GSK3A: variants seen among roughly 807,000 people sequenced by gnomAD.
GSK3A encodes the protein glycogen synthase kinase-3 alpha.
A neutral mutation model predicts 56.6 loss-of-function variants in GSK3A; 14 were observed. That is an observed-to-expected ratio of 0.25 (90% confidence interval 0.16 to 0.39). The LOEUF (loss-of-function observed/expected upper bound fraction) is 0.39. Ranked by LOEUF, GSK3A falls within the 10% of genes least tolerant of loss-of-function variation. GSK3A has a pLI of 1.00. For synonymous variants in GSK3A, 301 were observed against 285.0 expected (o/e 1.06, Z -0.56); for missense variants, 450 against 656.0 (o/e 0.69, Z 3.43).
At chr19:42,241,341 G>A (rs1325362025) in intron 1 of GSK3A, 1 of 152,034 alleles carries the variant, frequency 6.6e-6, no homozygotes, top group Non-Finnish European at 1.5e-5. Flanking sequence ...TTCAGAGGGA[G>A]ATAACCCTAC....
chr19:42,237,477 C>T (rs931664432), intron 2 of GSK3A, among the ~76,000 whole-genome samples: 2 of 151,846 alleles, frequency 1.3e-5, no homozygotes. Context: ...CGTGAGGCAC[C>T]GCGCCCAGCC....
At chr19:42,231,520 G>A (rs1238465571) in intron 10 of GSK3A, among the ~76,000 whole-genome samples, 3 of 152,070 alleles carry the variant, frequency 2.0e-5, no homozygotes, top group African/African-American at 2.4e-5. Context: ...AGCGGTTCAC[G>A]CCTGTAATCC....
chr19:42,230,891 A>T, intron 10 of GSK3A, 24 bp from the exon 11 acceptor site: 1 of 1,527,018 alleles, frequency 6.5e-7, no homozygotes, highest in Non-Finnish European at 8.9e-7. Context: ...GGGAAGGAGC[A>T]GAGTTAGCCT....
At chr19:42,232,276 A>G (rs546894858) in intron 9 of GSK3A, 127 bp from the exon 10 acceptor site, 263 of 746,632 alleles carry the variant, frequency 3.5e-4, no homozygotes, top group Middle Eastern at 2.4e-3. Context: ...ACCTCTCTCA[A>G]TGAAAAACCA....
rs531256682 is a variant in GSK3A at position 42,238,271 on chromosome 19, T to C, written c.472-1330A>G. Among the ~76,000 whole-genome samples the C allele has an allele frequency of 4.1e-4, 62 of 151,438 alleles. No homozygotes were observed. In the East Asian group the frequency reaches 6.6e-3, roughly 16 times the overall value. Reference sequence around the variant, plus strand: ...CAGGTGGATGAGGTACAAGAATTGCTTGAACCCAGGAGGCAGAGGTTGCAG... The same window carrying C: ...CAGGTGGATGAGGTACAAGAATTGCCTGAACCCAGGAGGCAGAGGTTGCAG... On this transcript the variant is annotated intron_variant, in intron 2 of 10. Coordinates refer to ENST00000222330, the MANE Select transcript of GSK3A (RefSeq NM_019884.3).
intron 1 of GSK3A, chr19:42,241,598 G>A (rs1311250406): frequency 1.3e-5 from 2 of 152,208 alleles, no homozygotes; most frequent in Admixed American, 1.3e-4. Flanking sequence ...TGGCAGTACA[G>A]CTCAACAAGA....
chr19:42,242,208 G>A lies in GSK3A; in HGVS notation c.258C>T (p.Phe86=), dbSNP rs2036297074. Residue 86 remains phenylalanine (F), a synonymous_variant, in exon 1 of 11, where the codon TTC becomes TTT. Transcript: ENST00000222330. ...GGCCCAGCTTCACCCCGGGCGGCGGGAAGCTAGTGCCTGCGCCGGGGCCTC... is the reference window on the plus strand; with the variant it reads ...GGCCCAGCTTCACCCCGGGCGGCGGAAAGCTAGTGCCTGCGCCGGGGCCTC... ...GSGGPGAGTS[F]PPPGVKLGRD... is the part of the protein sequence containing the mutation. 4.9e-6 allele frequency: 7 copies of A among 1,440,444 alleles called. No homozygotes were observed. The highest frequency in any genetic ancestry group is 6.4e-6 in the Non-Finnish European group (7 of 1,101,278). The allele number at this position is 1,440,444 out of a possible 1,614,324, so 89.2% of individuals were successfully genotyped here.
chr19:42,238,382 TAAAAAAA>T (rs55840950), intron 2 of GSK3A, among the ~76,000 whole-genome samples: 1 of 120,214 alleles, frequency 8.3e-6, no homozygotes, highest in Non-Finnish European at 1.8e-5. Context: ...GATTCTGTCT[TAAAAAAA>T]AAAAAAAAAA....
At chr19:42,230,922 C>T (rs2036219921) in intron 10 of GSK3A, 55 bp from the exon 11 acceptor site, 9 of 1,142,080 alleles carry the variant, frequency 7.9e-6, no homozygotes, top group South Asian at 4.0e-5. Context: ...GACACCCCTT[C>T]GCCCAACCCA....
chr19:42,242,039 TG>T, intron 1 of GSK3A, 143 bp downstream of exon 1: 3 of 636,388 alleles, frequency 4.7e-6, no homozygotes, highest in Non-Finnish European at 6.8e-6. Context: ...CTCCTTTTCC[TG>T]GGAGGAAGAG....
In GSK3A at chr19:42,234,295, GA is replaced by G; in HGVS notation, c.904+57del. The G allele has an allele frequency of 7.8e-7, 1 of 1,289,742 alleles. No homozygotes were observed. Among genetic ancestry groups the G allele is most frequent in the Admixed American group, 1.7e-5 (1 of 59,548 alleles). 79.9% of individuals were successfully genotyped at this position (1,289,742 alleles called of 1,614,324 possible). A position where few individuals can be genotyped will look rare whatever the true frequency, so the allele number is the denominator to read the frequency against. On this transcript the variant is annotated intron_variant, in intron 6 of 10. Coordinates refer to ENST00000222330, the MANE Select transcript of GSK3A (RefSeq NM_019884.3). The surrounding 1 kb of genome is among the most constrained non-coding windows in gnomAD (Gnocchi z 5.7). ...CACCAAGCTTGGCATACAGCACACA[GA>G]AAACTCCAAAACTTCCCAGATTGCC...
intron 8 of GSK3A, 143 bp from the exon 9 acceptor site, chr19:42,232,825 C>G (rs2036232958): frequency 1.4e-6 from 1 of 703,474 alleles, no homozygotes; most frequent in Non-Finnish European, 2.3e-6. Context: ...AACTAAGGCC[C>G]AACCACTAAG....
chr19:42,240,651 T>G, intron 1 of GSK3A: 1 of 164,852 alleles, frequency 6.1e-6, no homozygotes, highest in Non-Finnish European at 1.3e-5. Context: ...GCTGGTAACT[T>G]TACTGGTTCT....
chr19:42,242,090 G>T, intron 1 of GSK3A, 93 bp downstream of exon 1: 1 of 1,127,808 alleles, frequency 8.9e-7, no homozygotes, highest in Non-Finnish European at 1.1e-6. Flanking sequence ...GTGACCTCGA[G>T]CTCCTATCTA....
rs1200434465 is a variant in GSK3A, at chr19:42,230,654, G to A, written c.*140C>T. Reference sequence around the variant, plus strand: ...GGTGAGGCTGGTGAGGGAGGGACTGGAGGTGGGGACAGGGACTCATTTACC... The same window carrying A: ...GGTGAGGCTGGTGAGGGAGGGACTGAAGGTGGGGACAGGGACTCATTTACC... On this transcript the variant is annotated 3_prime_UTR_variant, in exon 11 of 11. Transcript: ENST00000222330. The A allele has an allele frequency of 1.0e-5, 7 of 668,578 alleles. No homozygotes were observed. Among genetic ancestry groups the A allele is most frequent in the Non-Finnish European group, 1.6e-5 (6 of 364,684 alleles). 41.4% of individuals were successfully genotyped at this position (668,578 alleles called of 1,614,324 possible).
rs1428107658 is a variant in GSK3A, at chr19:42,234,381, A to G, written c.876T>C (p.Phe292=). The stretch of plus-strand genomic sequence containing the variant: ...TGGATGAGGTGTAATCAGTGGCTCC[A>G]AAGATGAGCTCTGGGGCCCGGTAGT... The part of the protein sequence containing the change: ...SRYYRAPELI[F]GATDYTSSID... Residue 292 remains phenylalanine, a synonymous_variant, in exon 6 of 11, where the codon TTT becomes TTC. Coordinates refer to ENST00000222330, the MANE Select transcript of GSK3A (RefSeq NM_019884.3). The surrounding 1 kb of genome is among the most constrained non-coding windows in gnomAD (Gnocchi z 5.7). The G allele has an allele frequency of 1.2e-6, 2 of 1,614,122 alleles. No individual in the cohort carries two copies. The highest frequency in any genetic ancestry group is 1.3e-5 in the African/African-American group (1 of 75,058).
Position 42,242,423 on chromosome 19 carries a change from C to G in GSK3A, c.43G>C (p.Gly15Arg). The change falls in exon 1 of 11, where the codon GGC becomes CGC. Residue 15 changes from glycine (G) to arginine (R), a missense_variant. Around this residue, in one of 3 missense-constraint regions of GSK3A, gnomAD observed 193 missense variants for 200.5 expected, o/e 0.96. Transcript: ENST00000222330. The part of the protein sequence containing the change: ...GPSGGGPGGS[G>R]RARTSSFAEP... ...GCGAACGAGCTAGTCCGCGCCCTGC[C>G]CGAGCCCCCAGGGCCGCCTCCCGAA... is the stretch of plus-strand genomic sequence containing the variant. 1 of 1,347,768 alleles carries G rather than the reference C, an allele frequency of 7.4e-7. No individual in the cohort carries two copies. The highest frequency in any genetic ancestry group is 9.5e-7 in the Non-Finnish European group (1 of 1,049,008). 83.5% of individuals were successfully genotyped at this position (1,347,768 alleles called of 1,614,324 possible). A position where few individuals can be genotyped will look rare whatever the true frequency, so the allele number is the denominator to read the frequency against.
At chr19:42,239,508 C>T (rs373829669) in intron 2 of GSK3A, among the ~76,000 whole-genome samples, 27 of 152,240 alleles carry the variant, frequency 1.8e-4, no homozygotes, top group Admixed American at 7.2e-4. Flanking sequence ...CAGAACCACC[C>T]GCGCTAGCCC....
At chr19:42,233,991 T>C (rs2036241361) in intron 6 of GSK3A, among the ~76,000 whole-genome samples, 1 of 151,992 alleles carries the variant, frequency 6.6e-6, no homozygotes, top group Admixed American at 6.6e-5. Context: ...GGGAGCAAGT[T>C]GCACCTTCAT....
Sources: gnomAD v4.1 joint callset for allele counts (sites outside exome capture counted in the v4.1 genomes callset) on GRCh38, gnomAD v4.1.1 for gene constraint, gnomAD v4.1.1 regional missense constraint, Gnocchi (gnomAD v3.1) non-coding constraint, MANE v1.5 for transcripts, NCBI Gene and HGNC (gene_info 2026-07-23, HGNC 2026-07-21) for gene names.